Variants in COL13A1 observed in about 807,000 individuals in gnomAD.
The protein encoded by COL13A1 is collagen alpha-1(XIII) chain.
A neutral mutation model predicts 130.9 loss-of-function variants in COL13A1; 89 were observed. That is an observed-to-expected ratio of 0.68 (90% confidence interval 0.57 to 0.81). The LOEUF (loss-of-function observed/expected upper bound fraction) is 0.81. COL13A1 is among the 30% of genes least tolerant of loss of function. The pLI is 0.00. For missense variants in COL13A1, 879 were observed against 934.6 expected (o/e 0.94, Z 0.78); for synonymous variants, 402 against 341.6 (o/e 1.18, Z -1.95).
intron 7 of COL13A1, among the ~76,000 whole-genome samples, chr10:69,885,834 G>A (rs1044562351): frequency 7.2e-5 from 11 of 152,176 alleles, no homozygotes; most frequent in Admixed American, 3.3e-4. Flanking sequence ...AGAAAAGCCA[G>A]GGGCCCTTCC....
intron 4 of COL13A1, among the ~76,000 whole-genome samples, 184 bp downstream of exon 4, chr10:69,872,394 GAGAGGA>G (rs2059162897): frequency 6.6e-6 from 1 of 152,218 alleles, no homozygotes; most frequent in Non-Finnish European, 1.5e-5. Context: ...TTGAGATCTA[GAGAGGA>G]CCCTGCTGGG....
At chr10:69,823,634 A>T (rs1237193818) in intron 2 of COL13A1, among the ~76,000 whole-genome samples, 1 of 152,162 alleles carries the variant, frequency 6.6e-6, no homozygotes, top group Non-Finnish European at 1.5e-5. Context: ...ATGGGAAACG[A>T]AGGACCGCAT....
At chr10:69,920,266 C>A (rs1349026785) in intron 21 of COL13A1, among the ~76,000 whole-genome samples, 3 of 152,224 alleles carry the variant, frequency 2.0e-5, no homozygotes, top group African/African-American at 7.2e-5. Flanking sequence ...AGACATCTGA[C>A]CAAATTATAA....
At chr10:69,835,311 C>G (rs1380252159) in intron 2 of COL13A1, among the ~76,000 whole-genome samples, 1 of 152,140 alleles carries the variant, frequency 6.6e-6, no homozygotes, top group Non-Finnish European at 1.5e-5. Context: ...AGCCCGCGAC[C>G]TCTGCTTGGG....
In COL13A1 at chr10:69,860,175, A is replaced by T. The variant is rs554622876; in HGVS notation, c.365-7623A>T. ...AAGCAGTAGACGCAGTGACCAGCAG[A>T]TGAGCCCTGCTCCAGGGAAAAGCTG... On this transcript the variant is annotated intron_variant, in intron 2 of 40. Transcript: ENST00000645393. 2.6e-5 allele frequency among the ~76,000 whole-genome samples: 4 copies of T among 152,322 alleles called. No homozygotes were observed. In the East Asian group the frequency reaches 7.7e-4, roughly 29 times the overall value.
At chr10:69,871,605 A>G (rs2059079446) in intron 3 of COL13A1, among the ~76,000 whole-genome samples, 1 of 152,104 alleles carries the variant, frequency 6.6e-6, no homozygotes, top group Non-Finnish European at 1.5e-5. Flanking sequence ...CCCTGCAGGG[A>G]TGGACTTGTC....
At chr10:69,894,415 T>C (rs1589353459) in intron 10 of COL13A1, 137 bp from the exon 11 acceptor site, 1 of 938,146 alleles carries the variant, frequency 1.1e-6, no homozygotes, top group Non-Finnish European at 1.6e-6. Context: ...ATCTTGAATG[T>C]GGTGGGCATG....
intron 17 of COL13A1, among the ~76,000 whole-genome samples, chr10:69,914,978 C>T (rs57415633): frequency 0.14 from 21,786 of 152,274 alleles, 1,644 homozygotes; most frequent in Middle Eastern, 0.28. Flanking sequence ...GGCTCTGCTC[C>T]GCTTTCAGCC....
In COL13A1 at chr10:69,958,656, C is replaced by A; in HGVS notation, c.2185-43C>A. 2 of 1,613,858 alleles carry A rather than the reference C, an allele frequency of 1.2e-6. 1 individual carries two copies. The highest frequency in any genetic ancestry group is 2.2e-5 in the South Asian group (2 of 91,010). On this transcript the variant is annotated intron_variant, in intron 40 of 40. Coordinates refer to ENST00000645393, the MANE Select transcript of COL13A1 (RefSeq NM_001368882.1). ...TACAAAGGAAATAAACCTCTGCAGACCCACTGAAACTAACAGAACATTGTT... is the reference window on the plus strand; with the variant it reads ...TACAAAGGAAATAAACCTCTGCAGAACCACTGAAACTAACAGAACATTGTT...
rs200631381 is a variant in COL13A1 at position 69,930,465 on chromosome 10, A to T, written c.1596A>T (p.Gly532=). 2.7e-3 allele frequency: 4,395 copies of T among 1,613,566 alleles called. 6 individuals are homozygous for T. The highest frequency in any genetic ancestry group is 3.5e-3 in the Non-Finnish European group (4,120 of 1,179,644). ...CCCAAGGCCCCCCAGGAAAGGATGG[A>T]CCTCCAGGAGTGAAGGGAGAAAACG... is the stretch of plus-strand genomic sequence containing the variant. ...PGPQGPPGKD[G]PPGVKGENGH... Residue 532 remains glycine, a synonymous_variant, in exon 30 of 41, where the codon GGA becomes GGT. Transcript: ENST00000645393.
intron 2 of COL13A1, among the ~76,000 whole-genome samples, chr10:69,849,362 C>T (rs1410619598): frequency 6.6e-6 from 1 of 152,124 alleles, no homozygotes; most frequent in Admixed American, 6.5e-5. Flanking sequence ...GGGGCGCTTC[C>T]GCAGCAGTGC....
chr10:69,867,180 G>T (rs987762064), intron 2 of COL13A1, among the ~76,000 whole-genome samples: 1 of 152,198 alleles, frequency 6.6e-6, no homozygotes, highest in African/African-American at 2.4e-5. Flanking sequence ...ACAGAGAGAG[G>T]CATGGAGGAG....
intron 38 of COL13A1, among the ~76,000 whole-genome samples, chr10:69,949,078 A>C (rs1589725067): frequency 1.3e-5 from 2 of 152,186 alleles, no homozygotes; most frequent in Non-Finnish European, 2.9e-5. Flanking sequence ...CCCAAAGAGC[A>C]GGTTTCCAAC....
At chr10:69,943,144 A>G (rs10999035) in intron 35 of COL13A1, among the ~76,000 whole-genome samples, 6,596 of 152,200 alleles carry the variant, frequency 0.043, 253 homozygotes, top group South Asian at 0.16. Flanking sequence ...CACTGCGCCC[A>G]GCCTCCTTTT....
intron 3 of COL13A1, among the ~76,000 whole-genome samples, chr10:69,871,512 C>A (rs2059069666): frequency 6.6e-6 from 1 of 152,212 alleles, no homozygotes; most frequent in South Asian, 2.1e-4. Flanking sequence ...GGTGTCACTG[C>A]ACCACCATTG....
intron 38 of COL13A1, among the ~76,000 whole-genome samples, chr10:69,949,244 G>A (rs534658828): frequency 1.3e-5 from 2 of 152,246 alleles, no homozygotes; most frequent in East Asian, 3.9e-4. Flanking sequence ...GTGCAATGGC[G>A]CGATCTCAGC....
intron 3 of COL13A1, among the ~76,000 whole-genome samples, chr10:69,870,946 A>G (rs534437562): frequency 2.1e-4 from 32 of 152,204 alleles, no homozygotes; most frequent in Non-Finnish European, 2.1e-4. Context: ...GCCTGAAATA[A>G]GTTTCCCTCA....
At chr10:69,878,145 C>T (rs558722113) in intron 6 of COL13A1, 80 bp downstream of exon 6, 5 of 693,062 alleles carry the variant, frequency 7.2e-6, no homozygotes. Flanking sequence ...TCTCAGCCCT[C>T]CCCCCCATGA....
chr10:69,860,802 G>C lies in COL13A1; in HGVS notation c.365-6996G>C, dbSNP rs1857842213. ...ACTCTGGCATCAAGGGAGCTGCAGG[G>C]ATGGTAAGGGGATCTCCTGTCCCTC... is the stretch of plus-strand genomic sequence containing the variant. On this transcript the variant is annotated intron_variant, in intron 2 of 40. Transcript: ENST00000645393. The C allele has an allele frequency of 2.9e-5, 6 of 209,340 alleles. No homozygotes were observed. In the South Asian group the frequency reaches 2.9e-4, roughly 10 times the overall value. 13.0% of individuals were successfully genotyped at this position (209,340 alleles called of 1,614,324 possible). A position where few individuals can be genotyped will look rare whatever the true frequency, so the allele number is the denominator to read the frequency against.
Sources: allele counts gnomAD v4.1 joint callset (sites outside exome capture counted in the v4.1 genomes callset), GRCh38; gene constraint gnomAD v4.1.1; transcripts MANE v1.5; gene names NCBI Gene and HGNC (gene_info 2026-07-23, HGNC 2026-07-21).